NCOA5: variants seen among roughly 807,000 people sequenced by gnomAD.
The protein encoded by NCOA5 is nuclear receptor coactivator 5.
A neutral mutation model predicts 59.0 loss-of-function variants in NCOA5; 12 were observed. The ratio of observed to expected loss-of-function variants is 0.20; its 90% CI spans 0.13 to 0.33. NCOA5 has a LOEUF of 0.33. Ranked by LOEUF, NCOA5 falls within the 10% of genes least tolerant of loss-of-function variation. The pLI, the probability that NCOA5 is intolerant of heterozygous loss-of-function variation, is 1.00. For synonymous variants in NCOA5, 270 were observed against 275.5 expected (o/e 0.98, Z 0.20); for missense variants, 655 against 766.6 (o/e 0.85, Z 1.72).
chr20:46,083,160 A>T (rs1213161966), intron 1 of NCOA5, among the ~76,000 whole-genome samples: 1 of 152,208 alleles, frequency 6.6e-6, no homozygotes, highest in Non-Finnish European at 1.5e-5. Flanking sequence ...ATTGCTTTGG[A>T]CTGAGCTCCT....
At chr20:46,077,592 G>T (rs935691558) in intron 2 of NCOA5, among the ~76,000 whole-genome samples, 1 of 152,208 alleles carries the variant, frequency 6.6e-6, no homozygotes, top group African/African-American at 2.4e-5. Context: ...CAAGTATCAT[G>T]GAGACAACAG....
chr20:46,071,333 T>C (rs1295452421), intron 2 of NCOA5, among the ~76,000 whole-genome samples: 1 of 152,174 alleles, frequency 6.6e-6, no homozygotes, highest in Non-Finnish European at 1.5e-5. Context: ...CTTTTCCACT[T>C]TTGACAAAAT....
Position 46,067,195 on chromosome 20 carries a change from C to G in NCOA5, c.503-14G>C. The G allele has an allele frequency of 2.5e-6, 4 of 1,609,948 alleles. No individual in the cohort carries two copies. The highest frequency in any genetic ancestry group is 2.5e-6 in the Non-Finnish European group (3 of 1,178,640). On this transcript the variant is annotated splice_polypyrimidine_tract_variant and intron_variant, in intron 4 of 7. Coordinates refer to ENST00000290231, the MANE Select transcript of NCOA5 (RefSeq NM_020967.3). The stretch of plus-strand genomic sequence containing the variant: ...GTTTCAAACGCTCTGCAAAACACCA[C>G]CAGGGTAAACTGAAATAAGGACTGG...
intron 1 of NCOA5, among the ~76,000 whole-genome samples, chr20:46,082,404 G>A (rs888030871): frequency 1.3e-5 from 2 of 152,198 alleles, no homozygotes; most frequent in Admixed American, 6.5e-5. Context: ...CTGGACATCA[G>A]ATGGGGAACT....
intron 7 of NCOA5, 118 bp downstream of exon 7, chr20:46,063,242 T>C: frequency 1.0e-6 from 1 of 995,788 alleles, no homozygotes; most frequent in Non-Finnish European, 1.4e-6. Flanking sequence ...ACCCAAGGGA[T>C]GGACTTAGTT....
At chr20:46,087,914 A>T (rs1382594830) in intron 1 of NCOA5, among the ~76,000 whole-genome samples, 1 of 152,182 alleles carries the variant, frequency 6.6e-6, no homozygotes, top group Non-Finnish European at 1.5e-5. Context: ...CATTGTGATC[A>T]TACCAAGGTA....
intron 1 of NCOA5, among the ~76,000 whole-genome samples, chr20:46,086,450 A>G (rs1445051801): frequency 6.6e-6 from 1 of 152,176 alleles, no homozygotes; most frequent in Non-Finnish European, 1.5e-5. Context: ...AAAAAGCAGC[A>G]TGCATGCTGG....
chr20:46,069,157 C>A (rs997252299), intron 3 of NCOA5, among the ~76,000 whole-genome samples: 1 of 152,142 alleles, frequency 6.6e-6, no homozygotes. Context: ...ATTCACAATG[C>A]TGTGCAACCA....
intron 2 of NCOA5, among the ~76,000 whole-genome samples, chr20:46,076,178 C>A (rs2084935885): frequency 6.6e-6 from 1 of 152,032 alleles, no homozygotes; most frequent in Non-Finnish European, 1.5e-5. Context: ...AAATATTTGC[C>A]ATAGGTAGTG....
In NCOA5 at chr20:46,061,443, G is replaced by C. The variant is rs1250845452; in HGVS notation, c.*857C>G. On this transcript the variant is annotated 3_prime_UTR_variant, in exon 8 of 8. Transcript: ENST00000290231. The stretch of plus-strand genomic sequence containing the variant: ...GAGTCTAGACAAAAACAAGAGCCTG[G>C]GGTTTTGAGCCAAAAGCCCAAAACA... The C allele has an allele frequency of 6.6e-6, 1 of 152,474 alleles. No individual in the cohort carries two copies. The highest frequency in any genetic ancestry group is 1.5e-5 in the Non-Finnish European group (1 of 68,024). 9.4% of individuals were successfully genotyped at this position (152,474 alleles called of 1,614,324 possible).
chr20:46,075,716 A>C (rs1279725013), intron 2 of NCOA5, among the ~76,000 whole-genome samples: 1 of 152,202 alleles, frequency 6.6e-6, no homozygotes, highest in Non-Finnish European at 1.5e-5. Flanking sequence ...GGTAACTGAG[A>C]TATCTAAGGC....
intron 1 of NCOA5, among the ~76,000 whole-genome samples, chr20:46,086,786 G>A (rs1230904105): frequency 6.6e-5 from 10 of 152,234 alleles, no homozygotes; most frequent in African/African-American, 2.4e-4. Flanking sequence ...GTAGTAGAAA[G>A]AGTAGTCAGT....
intron 5 of NCOA5, among the ~76,000 whole-genome samples, chr20:46,065,842 C>T (rs546934472): frequency 6.6e-6 from 1 of 152,226 alleles, no homozygotes; most frequent in African/African-American, 2.4e-5. Flanking sequence ...TGAGGCTATA[C>T]AGCCCCAATA....
At chr20:46,089,126 C>T (rs1001093141) in intron 1 of NCOA5, among the ~76,000 whole-genome samples, 1 of 152,246 alleles carries the variant, frequency 6.6e-6, no homozygotes, top group Non-Finnish European at 1.5e-5. Flanking sequence ...GCCCCTCGCC[C>T]GCTGGCGGGG....
At chr20:46,075,107 T>G (rs1047484176) in intron 2 of NCOA5, among the ~76,000 whole-genome samples, 2 of 152,196 alleles carry the variant, frequency 1.3e-5, no homozygotes, top group African/African-American at 4.8e-5. Context: ...ATGCTACTGT[T>G]AGAAATGGAG....
At chr20:46,078,101 G>C (rs140905134) in intron 2 of NCOA5, among the ~76,000 whole-genome samples, 1 of 152,324 alleles carries the variant, frequency 6.6e-6, no homozygotes, top group Non-Finnish European at 1.5e-5. Context: ...GTGGTATATA[G>C]CTGTAGCTAT....
chr20:46,075,968 C>T (rs910867725), intron 2 of NCOA5, among the ~76,000 whole-genome samples: 1 of 152,142 alleles, frequency 6.6e-6, no homozygotes, highest in Non-Finnish European at 1.5e-5. Context: ...ATCAGGGAGT[C>T]ATATTATTGA....
In NCOA5 at chr20:46,063,594, G is replaced by A. The variant is rs753097933; in HGVS notation, c.916C>T (p.Arg306Cys). 6 of 1,614,094 alleles carry A rather than the reference G, an allele frequency of 3.7e-6. No individual in the cohort carries two copies. The highest frequency in any genetic ancestry group is 3.3e-5 in the Admixed American group (2 of 60,018). ...GCTGCCTGTCTGGCAATCTCCTCACGTTCCTTCTCCCGGCACTCATTCTTG... is the reference window on the plus strand; with the variant it reads ...GCTGCCTGTCTGGCAATCTCCTCACATTCCTTCTCCCGGCACTCATTCTTG... ...RYKNECREKE[R>C]EEIARQAAKM... The change falls in exon 7 of 8, where the codon CGT becomes TGT. Residue 306 changes from arginine (R) to cysteine (C), a missense_variant. Transcript: ENST00000290231.
intron 2 of NCOA5, 27 bp downstream of exon 2, chr20:46,079,360 G>A (rs199551825): frequency 1.2e-6 from 2 of 1,613,192 alleles, no homozygotes; most frequent in East Asian, 4.5e-5. Flanking sequence ...CTCTCCCAAG[G>A]TAACTCACGG....
Sources: allele counts gnomAD v4.1 joint callset (sites outside exome capture counted in the v4.1 genomes callset), GRCh38; gene constraint gnomAD v4.1.1; transcripts MANE v1.5; gene names NCBI Gene and HGNC (gene_info 2026-07-23, HGNC 2026-07-21).